The following TENM1 variants were observed in gnomAD, a reference collection of about 807,000 sequenced individuals.
TENM1 encodes the protein teneurin transmembrane protein 1.
A neutral mutation model predicts 174.8 loss-of-function variants in TENM1; 35 were observed. That is an observed-to-expected ratio of 0.20 (90% CI 0.15 to 0.27). The LOEUF (loss-of-function observed/expected upper bound fraction) is 0.27, where lower values mean the gene tolerates loss of function less well. TENM1 is among the 10% of genes least tolerant of loss of function. The pLI is 1.00. For synonymous variants in TENM1, 781 were observed against 798.7 expected, an observed-to-expected ratio of 0.98 and a Z score of 0.37; for missense variants, 1,633 against 2,130.1, an observed-to-expected ratio of 0.77 and a Z score of 4.59.
At chrX:124,511,989 C>CAAT (rs1291735120) in intron 18 of TENM1, among the ~76,000 whole-genome samples, 3 of 111,803 alleles carry the variant, frequency 2.7e-5, no homozygotes, top group Non-Finnish European at 5.6e-5. Context: ...TTGTTGTTGC[C>CAAT]AATAACCTTG....
intron 3 of TENM1, among the ~76,000 whole-genome samples, chrX:124,855,013 C>T (rs995452401): frequency 2.7e-5 from 3 of 111,431 alleles, no homozygotes; most frequent in Non-Finnish European, 5.7e-5. Context: ...CCAACATCCT[C>T]TAAAGAAAAC....
Position 124,527,231 on chromosome X carries a change from A to G in TENM1, c.2771+2633T>C, listed in dbSNP as rs756920320. ...GAATAGGCTTTTTTCTTTTCTGCTA[A>G]GTAGTCCCTTCTCTATGTGAGTATC... On this transcript the variant is annotated intron_variant, in intron 16 of 31. Coordinates refer to ENST00000422452, the Ensembl canonical transcript of TENM1. Among the ~76,000 whole-genome samples the G allele has an allele frequency of 2.7e-5, 3 of 111,855 alleles. No homozygotes were observed. The South Asian group carries it at 1.1e-3, about 42-fold the overall frequency.
At chrX:124,752,581 G>C (rs1260704597) in intron 3 of TENM1, among the ~76,000 whole-genome samples, 2 of 111,866 alleles carry the variant, frequency 1.8e-5, no homozygotes, top group East Asian at 5.6e-4. Flanking sequence ...CCTATGTCCT[G>C]AATGGTAATG....
At chrX:125,196,041 G>A in the TENM1 span, among the ~76,000 whole-genome samples, 190 of 107,633 alleles carry the variant, frequency 1.8e-3, 1 homozygote, top group Non-Finnish European at 3.2e-3. Context: ...AAGGAAGGAA[G>A]GAAGGAAGGA....
intron 11 of TENM1, among the ~76,000 whole-genome samples, chrX:124,568,141 G>T (rs2148180944): frequency 8.9e-6 from 1 of 111,989 alleles, no homozygotes; most frequent in Admixed American, 9.5e-5. Context: ...CACAAAAAAA[G>T]AGAAATCTTC....
At chrX:124,556,228 G>A (rs955418555) in intron 14 of TENM1, among the ~76,000 whole-genome samples, 1 of 108,407 alleles carries the variant, frequency 9.2e-6, no homozygotes, top group Non-Finnish European at 1.9e-5. Context: ...CAGATCACTT[G>A]ATGTCAGGAG....
intron 3 of TENM1, among the ~76,000 whole-genome samples, chrX:124,842,240 A>G (rs898278787): frequency 1.8e-5 from 2 of 111,834 alleles, no homozygotes; most frequent in Admixed American, 9.5e-5. Context: ...CTCAATAAAT[A>G]TTTCTGAAAT....
chrX:124,620,630 T>C (rs1279698582), intron 11 of TENM1, among the ~76,000 whole-genome samples: 1 of 112,333 alleles, frequency 8.9e-6, no homozygotes, highest in East Asian at 2.8e-4. Flanking sequence ...ACCTGACTCC[T>C]TCCTACTTTG....
the TENM1 span, among the ~76,000 whole-genome samples, chrX:125,055,087 C>T: frequency 2.1e-4 from 24 of 111,697 alleles, no homozygotes; most frequent in Non-Finnish European, 4.3e-4. Context: ...CTCAGTAATA[C>T]ATGATGCGAT....
At chrX:124,738,586 C>T (rs959051336) in intron 3 of TENM1, among the ~76,000 whole-genome samples, 1 of 111,451 alleles carries the variant, frequency 9.0e-6, no homozygotes, top group African/African-American at 3.3e-5. Flanking sequence ...GTCAGCTATC[C>T]TTGTATATTT....
chrX:124,481,700 T>A, intron 22 of TENM1, 32 bp downstream of exon 25: 1 of 343,837 alleles, frequency 2.9e-6, no homozygotes, highest in Non-Finnish European at 4.7e-6. Flanking sequence ...CAAGGGTATA[T>A]ATATATATAT....
chrX:124,916,344 G>T (rs2147659254), intron 1 of TENM1, among the ~76,000 whole-genome samples: 1 of 111,015 alleles, frequency 9.0e-6, no homozygotes, highest in Non-Finnish European at 1.9e-5. Flanking sequence ...GTCTTGTCCT[G>T]TCACTCAGGC....
the TENM1 span, among the ~76,000 whole-genome samples, chrX:125,141,512 C>A: frequency 2.7e-5 from 3 of 111,566 alleles, no homozygotes; most frequent in Admixed American, 1.9e-4. Flanking sequence ...ACTATCTTAA[C>A]TGGGTTTTCA....
chrX:125,007,097 T>C, the TENM1 span, among the ~76,000 whole-genome samples: 2 of 111,550 alleles, frequency 1.8e-5, no homozygotes, highest in Admixed American at 9.6e-5. Context: ...AAGGAGAATG[T>C]TCTAACCCAA....
At chrX:125,144,176 T>C in the TENM1 span, among the ~76,000 whole-genome samples, 2 of 111,680 alleles carry the variant, frequency 1.8e-5, no homozygotes, top group African/African-American at 3.2e-5. Flanking sequence ...AATATTCACA[T>C]TGTATGCCTC....
Position 124,463,836 on chromosome X carries a change from G to GGTGTGT in TENM1, c.3950-10351_3950-10346dup, listed in dbSNP as rs61128914. On this transcript the variant is annotated intron_variant, in intron 22 of 31. Transcript: ENST00000422452. The stretch of plus-strand genomic sequence containing the variant: ...TTTTTCTTTGCTTTATAGAGGTTGG[G>GGTGTGT]GTGTGTGTGTGTGTGTGTGTGTGTG... Among the ~76,000 whole-genome samples, 303 of 90,929 alleles carry GGTGTGT rather than the reference G, an allele frequency of 3.3e-3. 2 individuals carry two copies. The highest frequency in any genetic ancestry group is 6.5e-3 in the East Asian group (19 of 2,928). The allele number at this position is 90,929 out of a possible 115,157, so 79.0% of individuals were successfully genotyped here.
intron 14 of TENM1, among the ~76,000 whole-genome samples, chrX:124,550,006 C>G (rs866253007): frequency 5.5e-5 from 6 of 109,368 alleles, no homozygotes; most frequent in Middle Eastern, 4.8e-3. Context: ...CAAATATTAA[C>G]TGATTTTTAC....
In TENM1 at chrX:124,823,498, T is replaced by C. The variant is rs146844833; in HGVS notation, c.535+70798A>G. 8.8e-3 allele frequency among the ~76,000 whole-genome samples: 986 copies of C among 111,534 alleles called. 7 individuals carry two copies. The highest frequency in any genetic ancestry group is 0.014 in the Non-Finnish European group (746 of 53,070). The stretch of plus-strand genomic sequence containing the variant: ...CTTAAGTTTTTTTGTCTTTGTGTTT[T>C]GATATATCATTATCATTAACATTTC... On this transcript the variant is annotated intron_variant, in intron 3 of 31. Coordinates refer to ENST00000422452, the Ensembl canonical transcript of TENM1.
chrX:124,803,393 T>G (rs1413465826), intron 3 of TENM1, among the ~76,000 whole-genome samples: 1 of 111,648 alleles, frequency 9.0e-6, no homozygotes, highest in Non-Finnish European at 1.9e-5. Context: ...AAGGCCTTTC[T>G]AAGCGCTCTT....
Sources: allele counts gnomAD v4.1 joint callset (sites outside exome capture counted in the v4.1 genomes callset), GRCh38; gene constraint gnomAD v4.1.1; transcripts MANE v1.5; gene names NCBI Gene and HGNC (gene_info 2026-07-23, HGNC 2026-07-21).